Variants in GATA4 observed in about 807,000 individuals in gnomAD.
The protein encoded by GATA4 is transcription factor GATA-4.
GATA4 carries 7 observed loss-of-function variants against 37.9 expected under a neutral mutation model. The observed-to-expected ratio is 0.18, with a 90% CI of 0.11 to 0.35. The LOEUF is 0.35. GATA4 is among the 10% of genes least tolerant of loss of function. The pLI, the probability that GATA4 is intolerant of heterozygous loss-of-function variation, is 1.00. For synonymous variants in GATA4, 372 were observed against 292.6 expected (o/e 1.27, Z -2.77); for missense variants, 647 against 653.0 (o/e 0.99, Z 0.10).
intron 2 of GATA4, among the ~76,000 whole-genome samples, chr8:11,723,902 C>G (rs1475923614): frequency 6.6e-6 from 1 of 152,200 alleles, no homozygotes. Context: ...GTACAACCAT[C>G]ACCCCCAGCA....
rs950154755 is a variant in GATA4, at chr8:11,748,795, G to T, written c.617-121G>T. 85 of 1,139,226 alleles carry T rather than the reference G, an allele frequency of 7.5e-5. No homozygotes were observed. The highest frequency in any genetic ancestry group is 4.4e-4 in the Middle Eastern group (2 of 4,502). 70.6% of individuals were successfully genotyped at this position (1,139,226 alleles called of 1,614,324 possible). On this transcript the variant is annotated intron_variant, in intron 2 of 6. Transcript: ENST00000532059. ...GGAAGAGCAAGAGCAGCCCGAGGTG[G>T]TCTTCTCTTTCCAAGGAAAGGGCAT...
chr8:11,740,866 T>C (rs1326895016), intron 2 of GATA4, among the ~76,000 whole-genome samples: 1 of 151,980 alleles, frequency 6.6e-6, no homozygotes, highest in Non-Finnish European at 1.5e-5. Flanking sequence ...CCCGAGTAGC[T>C]GGAATTACAG....
intron 2 of GATA4, among the ~76,000 whole-genome samples, chr8:11,744,517 C>T (rs1801935417): frequency 6.6e-6 from 1 of 152,160 alleles, no homozygotes; most frequent in African/African-American, 2.4e-5. Context: ...CTCTCAGTGC[C>T]TTTCGTAGGA....
At chr8:11,698,042 C>T (rs1799558890) in intron 1 of GATA4, 1 of 983,052 alleles carries the variant, frequency 1.0e-6, no homozygotes, top group African/African-American at 1.7e-5. Flanking sequence ...TTGACCTCGT[C>T]CCGGTCGGGT....
At chr8:11,758,167 G>A (rs1326780539) in intron 6 of GATA4, 126 bp from the exon 7 acceptor site, 3 of 871,484 alleles carry the variant, frequency 3.4e-6, no homozygotes, top group East Asian at 4.9e-5. Context: ...AGTGCTCCTT[G>A]GTCCCTTCCT....
In GATA4 at chr8:11,708,414, C is replaced by T. The variant is rs1799996433; in HGVS notation, c.102C>T (p.Ser34=). ...TCATGCACGGCGCGGGCGCCGCGTCCTCGCCAGTCTACGTGCCCACACCGC... is the reference window on the plus strand; with the variant it reads ...TCATGCACGGCGCGGGCGCCGCGTCTTCGCCAGTCTACGTGCCCACACCGC... The part of the protein sequence containing the change: ...GAFMHGAGAA[S]SPVYVPTPRV... Residue 34 remains serine, a synonymous_variant, in exon 2 of 7, where the codon TCC becomes TCT. Transcript: ENST00000532059. The surrounding 1 kb of genome is among the most constrained non-coding windows in gnomAD (Gnocchi z 6.7). 1 of 1,538,262 alleles carries T rather than the reference C, an allele frequency of 6.5e-7. No individual in the cohort carries two copies. Among genetic ancestry groups the T allele is most frequent in the Non-Finnish European group, 8.7e-7 (1 of 1,148,488 alleles).
In GATA4 at chr8:11,758,330, C is replaced by A; in HGVS notation, c.1187C>A (p.Ser396Tyr). Residue 396 changes from serine (S) to tyrosine (Y), a missense_variant, in exon 7 of 7, where the codon TCC (serine) becomes TAC (tyrosine). By Grantham distance (144) the Ser-to-Tyr change is moderately radical. Around this residue, in one of 5 missense-constraint regions of GATA4, gnomAD observed 184 missense variants for 157.1 expected, o/e 1.17. Transcript: ENST00000532059. ...SVSAMSGHGP[S>Y]IHPVLSALKL... ...AGTGCGATGTCTGGCCATGGGCCCT[C>A]CATCCACCCTGTCCTCTCGGCCCTG... 6.2e-7 allele frequency: 1 copy of A among 1,614,170 alleles called. No homozygotes were observed. The highest frequency in any genetic ancestry group is 8.5e-7 in the Non-Finnish European group (1 of 1,180,036).
intron 1 of GATA4, among the ~76,000 whole-genome samples, chr8:11,677,690 C>T (rs1384500794): frequency 1.3e-5 from 2 of 152,166 alleles, no homozygotes. Context: ...AGCTAGGTCT[C>T]AGAGCTCTCA....
intron 2 of GATA4, among the ~76,000 whole-genome samples, chr8:11,738,001 T>G (rs915745115): frequency 6.6e-6 from 1 of 151,980 alleles, no homozygotes; most frequent in Admixed American, 6.6e-5. Flanking sequence ...ACCAACATGG[T>G]GAAACCCTGT....
At chr8:11,681,295 G>A in intron 1 of GATA4, 1 of 985,388 alleles carries the variant, frequency 1.0e-6, no homozygotes, top group Non-Finnish European at 1.2e-6. Context: ...GAGGTTCCGG[G>A]GAAGAGCACT....
chr8:11,685,177 G>T (rs1032323446), intron 1 of GATA4, among the ~76,000 whole-genome samples: 19 of 152,068 alleles, frequency 1.2e-4, no homozygotes, highest in Non-Finnish European at 1.9e-4. Context: ...TCCATTACAC[G>T]ATCATTAAAT....
upstream of GATA4, among the ~76,000 whole-genome samples, chr8:11,691,670 A>T (rs756360260): frequency 6.6e-6 from 1 of 152,138 alleles, no homozygotes; most frequent in African/African-American, 2.4e-5. Context: ...CAGTCGTGGG[A>T]TTAGAATCCG....
rs1554488901 is a variant in GATA4, at chr8:11,709,578, G to GGT, written c.616+651_616+652insTG. Among the ~76,000 whole-genome samples the GGT allele has an allele frequency of 1.3e-4, 15 of 115,480 alleles. 1 individual carries two copies. The East Asian group carries it at 2.9e-3, about 23-fold the overall frequency. 75.8% of individuals were successfully genotyped at this position (115,480 alleles called of 152,430 possible). ...CGTGGGCGCATCATGCGGGCAGCGG[G>GGT]GGGGGGGGCGCACACGCCCGGTCAG... On this transcript the variant is annotated intron_variant, in intron 2 of 6. Transcript: ENST00000532059. This position sits in a 1 kb window ranked among gnomAD's most constrained non-coding sequence, Gnocchi z 4.3.
Position 11,759,475 on chromosome 8 carries a change from G to A in GATA4, c.*1000G>A, listed in dbSNP as rs1015995588. 2.0e-5 allele frequency: 3 copies of A among 152,284 alleles called. No individual in the cohort carries two copies. Among genetic ancestry groups the A allele is most frequent in the Admixed American group, 6.5e-5 (1 of 15,288 alleles). The allele number at this position is 152,284 out of a possible 1,614,324, so 9.4% of individuals were successfully genotyped here. ...GTCTGTCTGCTCCTCCTAGCCCTTG[G>A]TCAGATGGCAGCCAGAGTCCCTCAG... On this transcript the variant is annotated 3_prime_UTR_variant, in exon 7 of 7. Coordinates refer to ENST00000532059, the MANE Select transcript of GATA4 (RefSeq NM_001308093.3).
At position 11,707,759 on chromosome 8, in the gene GATA4, C is replaced by T. The variant is rs1382224111; in HGVS notation, c.-457-97C>T. The T allele has an allele frequency of 1.2e-5, 2 of 161,936 alleles. No homozygotes were observed. The highest frequency in any genetic ancestry group is 2.7e-5 in the Non-Finnish European group (2 of 74,410). The allele number at this position is 161,936 out of a possible 1,614,324, so 10.0% of individuals were successfully genotyped here. A position where few individuals can be genotyped will look rare whatever the true frequency, so the allele number is the denominator to read the frequency against. ...CACCCCCAAATCCCCGTGGCGACTTCATTTGAAGCGTGGAAGAAGCAACCA... is the reference window on the plus strand; with the variant it reads ...CACCCCCAAATCCCCGTGGCGACTTTATTTGAAGCGTGGAAGAAGCAACCA... On this transcript the variant is annotated intron_variant, in intron 1 of 6. Transcript: ENST00000532059. The surrounding 1 kb of genome is among the most constrained non-coding windows in gnomAD (Gnocchi z 4.7).
chr8:11,738,180 C>CA (rs35759534), intron 2 of GATA4, among the ~76,000 whole-genome samples: 21,811 of 82,242 alleles, frequency 0.27, 3,184 homozygotes, highest in East Asian at 0.72. Flanking sequence ...GACTCTGTCT[C>CA]AAAAAAAAAA....
At chr8:11,702,424 C>G (rs528350534), upstream of GATA4, among the ~76,000 whole-genome samples, 2 of 152,084 alleles carry the variant, frequency 1.3e-5, no homozygotes, top group East Asian at 1.9e-4. The surrounding 1 kb of genome is among the most constrained non-coding windows in gnomAD (Gnocchi z 4.4). Flanking sequence ...CCAGGAAGGC[C>G]TTGCAGGTCC....
chr8:11,697,901 C>G, intron 1 of GATA4: 1 of 985,480 alleles, frequency 1.0e-6, no homozygotes, highest in Non-Finnish European at 1.2e-6. Flanking sequence ...AATGCCAGAT[C>G]TCTGGGGGAC....
intron 2 of GATA4, among the ~76,000 whole-genome samples, chr8:11,745,496 G>A (rs1476088697): frequency 6.6e-6 from 1 of 151,970 alleles, no homozygotes; most frequent in East Asian, 1.9e-4. Flanking sequence ...TGAGGTGGGA[G>A]GATTGCTTGA....
Sources: allele counts gnomAD v4.1 joint callset (sites outside exome capture counted in the v4.1 genomes callset), GRCh38; gene constraint gnomAD v4.1.1; regional missense constraint gnomAD v4.1.1; non-coding constraint Gnocchi (gnomAD v3.1); transcripts MANE v1.5; gene names NCBI Gene and HGNC (gene_info 2026-07-23, HGNC 2026-07-21).